SPAG16: variants seen among roughly 807,000 people sequenced by gnomAD.
The protein encoded by SPAG16 is sperm associated antigen 16, also known as sperm-associated antigen 16 protein.
Under a neutral mutation model 80.4 loss-of-function variants are expected in SPAG16, and 86 were observed. The ratio of observed to expected loss-of-function variants is 1.07; its 90% CI spans 0.90 to 1.28. The LOEUF is 1.28. Among genes scored for constraint, SPAG16 ranks in the 50% most tolerant of loss-of-function variants. SPAG16 has a pLI of 0.00. For missense variants in SPAG16, 870 were observed against 765.3 expected (o/e 1.14, Z -1.61); for synonymous variants, 294 against 265.9 (o/e 1.11, Z -1.03).
chr2:213,702,502 A>C (rs559148428), intron 10 of SPAG16, among the ~76,000 whole-genome samples: 1 of 152,200 alleles, frequency 6.6e-6, no homozygotes, highest in Non-Finnish European at 1.5e-5. Context: ...CAGCCACACC[A>C]TCTTTAAGAA....
intron 10 of SPAG16, among the ~76,000 whole-genome samples, chr2:213,766,940 G>C (rs190333570): frequency 2.0e-5 from 3 of 152,126 alleles, no homozygotes; most frequent in Non-Finnish European, 4.4e-5. Context: ...AGGCCTGCCG[G>C]GTAAAACCTT....
At chr2:214,250,737 T>TAC (rs1442335363) in intron 15 of SPAG16, among the ~76,000 whole-genome samples, 2 of 64,448 alleles carry the variant, frequency 3.1e-5, no homozygotes, top group South Asian at 5.3e-4. Flanking sequence ...CTTTGAGATA[T>TAC]ATATATATAT....
chr2:213,585,152 G>A (rs112161376), intron 10 of SPAG16, among the ~76,000 whole-genome samples: 9 of 145,758 alleles, frequency 6.2e-5, no homozygotes, highest in African/African-American at 2.1e-4. Flanking sequence ...TCGTGCCACT[G>A]TACTCCAGCC....
At chr2:213,974,964 A>AAAAACAC (rs1479884791) in intron 12 of SPAG16, among the ~76,000 whole-genome samples, 1 of 147,590 alleles carries the variant, frequency 6.8e-6, no homozygotes, top group African/African-American at 2.6e-5. Flanking sequence ...AAAAAAAAAA[A>AAAAACAC]ACACAAAATG....
chr2:213,503,295 C>T (rs1398195150), intron 10 of SPAG16, among the ~76,000 whole-genome samples: 1 of 152,176 alleles, frequency 6.6e-6, no homozygotes, highest in African/African-American at 2.4e-5. Flanking sequence ...TAGGGTTTTG[C>T]TCTTTGCCTA....
chr2:213,854,131 C>G (rs527718682), intron 10 of SPAG16, among the ~76,000 whole-genome samples: 2 of 152,206 alleles, frequency 1.3e-5, no homozygotes, highest in South Asian at 4.2e-4. Flanking sequence ...ACATTTTTGC[C>G]AGAGAGTGAC....
At chr2:213,863,843 A>T (rs527937781) in intron 11 of SPAG16, among the ~76,000 whole-genome samples, 19 of 152,280 alleles carry the variant, frequency 1.2e-4, no homozygotes, top group African/African-American at 4.6e-4. Flanking sequence ...TTTCCCATTC[A>T]ATTACTGAAA....
intron 10 of SPAG16, among the ~76,000 whole-genome samples, chr2:213,681,188 G>A (rs961732267): frequency 6.6e-6 from 1 of 152,190 alleles, no homozygotes; most frequent in Non-Finnish European, 1.5e-5. Context: ...TTTCCCACAG[G>A]ATACTTTGCA....
intron 15 of SPAG16, among the ~76,000 whole-genome samples, chr2:214,329,279 G>T (rs1696717316): frequency 1.0e-5 from 1 of 99,134 alleles, no homozygotes; most frequent in Non-Finnish European, 2.1e-5. Context: ...ACAATCCTTT[G>T]GTGCCAAACC....
intron 15 of SPAG16, among the ~76,000 whole-genome samples, chr2:214,151,377 G>A (rs2055965320): frequency 6.6e-6 from 1 of 151,934 alleles, no homozygotes; most frequent in African/African-American, 2.4e-5. Flanking sequence ...CAAATTAAGA[G>A]CCAAACAAAA....
chr2:214,218,601 C>T (rs751502578), intron 15 of SPAG16, among the ~76,000 whole-genome samples: 7 of 152,138 alleles, frequency 4.6e-5, no homozygotes, highest in African/African-American at 1.4e-4. Context: ...TGTACAATAA[C>T]GCCTTCATAT....
Position 213,878,145 on chromosome 2 carries a change from A to T in SPAG16, c.1214+15517A>T, listed in dbSNP as rs2076207428. 2.0e-5 allele frequency among the ~76,000 whole-genome samples: 3 copies of T among 151,968 alleles called. No homozygotes were observed. The South Asian group carries it at 6.2e-4, about 32-fold the overall frequency. On this transcript the variant is annotated intron_variant, in intron 11 of 15. Transcript: ENST00000331683. Reference sequence around the variant, plus strand: ...CATTTTGAATTCTCTCTACCTTCTTACTAGTTTATATTATTGATATAATAA... The same window carrying T: ...CATTTTGAATTCTCTCTACCTTCTTTCTAGTTTATATTATTGATATAATAA...
intron 6 of SPAG16, among the ~76,000 whole-genome samples, chr2:213,346,809 G>A (rs1313881993): frequency 6.1e-5 from 9 of 148,666 alleles, no homozygotes; most frequent in African/African-American, 1.7e-4. Flanking sequence ...TTTTTGCATC[G>A]ATGTTCATCA....
chr2:214,167,744 T>C (rs572824748), intron 15 of SPAG16, among the ~76,000 whole-genome samples: 1 of 151,654 alleles, frequency 6.6e-6, no homozygotes, highest in East Asian at 1.9e-4. Context: ...ATACTTTTTA[T>C]GAAACTATAA....
At chr2:213,791,787 G>C (rs962063348) in intron 10 of SPAG16, among the ~76,000 whole-genome samples, 2 of 152,136 alleles carry the variant, frequency 1.3e-5, no homozygotes, top group African/African-American at 4.8e-5. Flanking sequence ...GATTAGGAGT[G>C]AGTATAAAAA....
rs56198465 is a variant in SPAG16 at position 214,403,328 on chromosome 2, T to C, written c.1721-6812T>C. On this transcript the variant is annotated intron_variant, in intron 15 of 15. Coordinates refer to ENST00000331683, the MANE Select transcript of SPAG16 (RefSeq NM_024532.5). ...AAAGAACAGGTAAAATTGATATATT[T>C]ATTTATATATTTATATTTATATATG... Among the ~76,000 whole-genome samples, 243 of 148,666 alleles carry C rather than the reference T, an allele frequency of 1.6e-3. 3 individuals are homozygous for C. Among genetic ancestry groups the C allele is most frequent in the African/African-American group, 5.7e-3 (232 of 40,984 alleles).
At chr2:213,366,878 G>A (rs565494155) in intron 8 of SPAG16, among the ~76,000 whole-genome samples, 5 of 152,010 alleles carry the variant, frequency 3.3e-5, no homozygotes, top group Non-Finnish European at 7.4e-5. Flanking sequence ...ATATTGGTGT[G>A]CTGCACCCAT....
chr2:213,491,040 A>G (rs2074214546), intron 10 of SPAG16, among the ~76,000 whole-genome samples: 1 of 152,086 alleles, frequency 6.6e-6, no homozygotes, highest in Non-Finnish European at 1.5e-5. Flanking sequence ...TTGTTTGATT[A>G]TTTCCTCATA....
chr2:213,726,107 G>A (rs1471230898), intron 10 of SPAG16, among the ~76,000 whole-genome samples: 1 of 152,224 alleles, frequency 6.6e-6, no homozygotes, highest in African/African-American at 2.4e-5. Context: ...GAGATACTGA[G>A]GACTTCCTCT....
Sources: allele counts gnomAD v4.1 joint callset (sites outside exome capture counted in the v4.1 genomes callset), GRCh38; gene constraint gnomAD v4.1.1; transcripts MANE v1.5; gene names NCBI Gene and HGNC (gene_info 2026-07-23, HGNC 2026-07-21).